Variants in NOL4 observed in about 807,000 individuals in gnomAD.
The protein encoded by NOL4 is cancer/testis antigen 125.
In NOL4, 17 loss-of-function variants were observed where a neutral mutation model predicts 75.9. That is an observed-to-expected ratio of 0.22 (90% CI 0.15 to 0.34). The LOEUF (loss-of-function observed/expected upper bound fraction) is 0.34. Ranked by LOEUF, NOL4 falls within the 10% of genes least tolerant of loss-of-function variation. The pLI is 1.00. For missense variants in NOL4, 614 were observed against 793.5 expected (o/e 0.77, Z 2.72); for synonymous variants, 292 against 289.9 (o/e 1.01, Z -0.07).
chr18:34,047,299 G>C (rs370144728), intron 5 of NOL4, among the ~76,000 whole-genome samples: 7 of 152,166 alleles, frequency 4.6e-5, no homozygotes, highest in African/African-American at 1.7e-4. Flanking sequence ...GCTATATTTA[G>C]CGTAGACTGT....
At chr18:34,134,232 T>C (rs1464150925) in intron 1 of NOL4, among the ~76,000 whole-genome samples, 2 of 152,078 alleles carry the variant, frequency 1.3e-5, no homozygotes, top group Non-Finnish European at 2.9e-5. Context: ...CTATATAAAA[T>C]TAAAATTTCT....
chr18:33,882,873 G>C (rs1451800817), intron 10 of NOL4, among the ~76,000 whole-genome samples: 1 of 151,818 alleles, frequency 6.6e-6, no homozygotes, highest in Non-Finnish European at 1.5e-5. Flanking sequence ...ATACTATGCA[G>C]CCATAAAAAA....
chr18:34,040,552 T>A (rs2144791651), intron 5 of NOL4, among the ~76,000 whole-genome samples: 1 of 152,086 alleles, frequency 6.6e-6, no homozygotes, highest in East Asian at 1.9e-4. Context: ...TAAAACAACA[T>A]GCGAGGTGGA....
At chr18:34,207,192 T>C (rs2036183342) in intron 1 of NOL4, among the ~76,000 whole-genome samples, 1 of 152,220 alleles carries the variant, frequency 6.6e-6, no homozygotes, top group African/African-American at 2.4e-5. Context: ...CAACTCAGGG[T>C]TGACATCTTC....
chr18:33,864,453 G>T (rs970126861), intron 10 of NOL4, among the ~76,000 whole-genome samples: 1 of 152,080 alleles, frequency 6.6e-6, no homozygotes, highest in African/African-American at 2.4e-5. Context: ...AGTGACCTTT[G>T]CTCCAGTTCC....
intron 1 of NOL4, among the ~76,000 whole-genome samples, chr18:34,134,627 A>C (rs2080816446): frequency 6.6e-6 from 1 of 152,106 alleles, no homozygotes; most frequent in Admixed American, 6.6e-5. Flanking sequence ...GACTTGAACA[A>C]TACTTAAAAT....
At chr18:33,873,939 T>C (rs868039522) in intron 10 of NOL4, among the ~76,000 whole-genome samples, 14 of 152,022 alleles carry the variant, frequency 9.2e-5, no homozygotes, top group African/African-American at 3.1e-4. Flanking sequence ...ATAGCTGATA[T>C]GAGTCAGATG....
At chr18:34,099,231 C>T (rs570986736) in intron 4 of NOL4, among the ~76,000 whole-genome samples, 5 of 151,348 alleles carry the variant, frequency 3.3e-5, no homozygotes, top group East Asian at 3.9e-4. Flanking sequence ...GGCATAGTGG[C>T]GGGCACCTGT....
chr18:34,189,637 T>C (rs369127481), intron 1 of NOL4, among the ~76,000 whole-genome samples: 107 of 152,328 alleles, frequency 7.0e-4, no homozygotes, highest in African/African-American at 2.5e-3. Flanking sequence ...TATGTAATAA[T>C]ACATTTTAAG....
intron 2 of NOL4, among the ~76,000 whole-genome samples, chr18:34,112,964 C>T (rs780226567): frequency 3.3e-5 from 5 of 152,088 alleles, no homozygotes; most frequent in Non-Finnish European, 7.3e-5. Context: ...CGTTGTACAC[C>T]TAACATATAT....
At chr18:34,103,140 T>C (rs1270664636) in intron 4 of NOL4, among the ~76,000 whole-genome samples, 1 of 152,204 alleles carries the variant, frequency 6.6e-6, no homozygotes, top group Middle Eastern at 3.4e-3. Flanking sequence ...AATAATTCTG[T>C]ATTTGAAAAA....
intron 1 of NOL4, among the ~76,000 whole-genome samples, chr18:34,169,649 A>T (rs1043558125): frequency 6.6e-6 from 1 of 152,172 alleles, no homozygotes; most frequent in African/African-American, 2.4e-5. Context: ...GGGATAGAAG[A>T]ATATGCACCA....
intron 1 of NOL4, among the ~76,000 whole-genome samples, chr18:34,145,368 G>A (rs927260599): frequency 6.6e-6 from 1 of 151,776 alleles, no homozygotes; most frequent in African/African-American, 2.4e-5. Flanking sequence ...GTAATTGATA[G>A]CAATTTTAGT....
intron 10 of NOL4, among the ~76,000 whole-genome samples, chr18:33,881,538 C>A (rs2064272400): frequency 6.6e-6 from 1 of 151,816 alleles, no homozygotes; most frequent in Non-Finnish European, 1.5e-5. Context: ...CAAACCACTG[C>A]TCAAGGAAAT....
At chr18:34,139,433 T>A (rs1170469649) in intron 1 of NOL4, among the ~76,000 whole-genome samples, 1 of 152,094 alleles carries the variant, frequency 6.6e-6, no homozygotes, top group African/African-American at 2.4e-5. Context: ...GGAATTTATC[T>A]ATTTCTTCTA....
At chr18:34,070,088 T>G (rs535823874) in intron 5 of NOL4, among the ~76,000 whole-genome samples, 3 of 152,290 alleles carry the variant, frequency 2.0e-5, no homozygotes, top group South Asian at 2.1e-4. Context: ...CTGGAGTGCA[T>G]TGGCGCAATC....
At chr18:34,179,914 A>G (rs985977549) in intron 1 of NOL4, among the ~76,000 whole-genome samples, 1 of 151,420 alleles carries the variant, frequency 6.6e-6, no homozygotes, top group Non-Finnish European at 1.5e-5. Flanking sequence ...TTGTTTTAGC[A>G]CCCCAAATGG....
At chr18:34,116,761 G>GT (rs2079879747) in intron 2 of NOL4, among the ~76,000 whole-genome samples, 1 of 151,970 alleles carries the variant, frequency 6.6e-6, no homozygotes, top group African/African-American at 2.4e-5. Context: ...AGTATGTAAC[G>GT]TAAGTTTATC....
At chr18:34,120,017 T>C (rs2080064874) in intron 2 of NOL4, among the ~76,000 whole-genome samples, 1 of 152,214 alleles carries the variant, frequency 6.6e-6, no homozygotes. Flanking sequence ...GCCAAACGTA[T>C]TACAAACTAT....
Sources: allele counts gnomAD v4.1 joint callset (sites outside exome capture counted in the v4.1 genomes callset), GRCh38; gene constraint gnomAD v4.1.1; transcripts MANE v1.5; gene names NCBI Gene and HGNC (gene_info 2026-07-23, HGNC 2026-07-21).